Variants in SPTAN1 observed in about 807,000 individuals in gnomAD.
SPTAN1 encodes the protein spectrin alpha chain, non-erythrocytic 1.
In SPTAN1, 61 loss-of-function variants were observed where a neutral mutation model predicts 331.3. The ratio of observed to expected loss-of-function variants is 0.18; its 90% CI spans 0.15 to 0.23. The LOEUF is 0.23. Ranked by LOEUF, SPTAN1 falls within the 10% of genes least tolerant of loss-of-function variation. The probability of loss-of-function intolerance (pLI) is 1.00; values close to 1 mark genes in which losing one functional copy is unlikely to be tolerated. For synonymous variants in SPTAN1, 1,153 were observed against 1,173.9 expected (o/e 0.98, Z 0.36); for missense variants, 2,043 against 3,147.9 (o/e 0.65, Z 8.40).
chr9:128,628,834 C>A (rs1227046405), intron 51 of SPTAN1: 4 of 315,166 alleles, frequency 1.3e-5, no homozygotes, highest in African/African-American at 8.5e-5. Context: ...ACACCCTGGC[C>A]ACCTGACTCC....
intron 40 of SPTAN1, among the ~76,000 whole-genome samples, chr9:128,614,475 G>A (rs1034765642): frequency 3.3e-5 from 5 of 151,720 alleles, no homozygotes; most frequent in African/African-American, 1.2e-4. Flanking sequence ...TATAAATCCC[G>A]GCTACTTGGG....
In SPTAN1 at chr9:128,580,946, G is replaced by A. The variant is rs768940761; in HGVS notation, c.1348G>A (p.Ala450Thr). 3 of 1,613,436 alleles carry A rather than the reference G, an allele frequency of 1.9e-6. No homozygotes were observed. Among genetic ancestry groups the A allele is most frequent in the East Asian group, 2.2e-5 (1 of 44,876 alleles). ...EKLTVLSEER[A>T]ALLELWELRR... ...GCTGACCGTCCTTTCCGAGGAGAGA[G>A]CGGCGCTGCTGGAGCTGTGGGAGCT... Residue 450 changes from alanine (A) to threonine (T), a missense_variant, in exon 11 of 57, where the codon GCG (alanine) becomes ACG (threonine). By Grantham distance (58) the Ala-to-Thr change is moderately conservative. This residue lies in a region of SPTAN1 where 1,038 missense variants were observed against 1,531.5 expected (regional missense o/e 0.68). Transcript: ENST00000372739.
Position 128,605,398 on chromosome 9 carries a change from A to G in SPTAN1, c.3967A>G (p.Ser1323Gly), listed in dbSNP as rs796053307. 1 of 1,614,248 alleles carries G rather than the reference A, an allele frequency of 6.2e-7. No individual in the cohort carries two copies. Among genetic ancestry groups the G allele is most frequent in the Non-Finnish European group, 8.5e-7 (1 of 1,180,044 alleles). Residue 1323 changes from serine to glycine, a missense_variant, in exon 31 of 57, where the codon AGC becomes GGC. Ser to Gly is a moderately conservative substitution (Grantham distance 56). Coordinates refer to ENST00000372739, the MANE Select transcript of SPTAN1 (RefSeq NM_001130438.3). ...CACAGAGTTAAACCAGGCCTGGAGC[A>G]GCCTGGGGAAACGTGCAGATCAGCG... ...KCTELNQAWS[S>G]LGKRADQRKA...
intron 22 of SPTAN1, 118 bp from the exon 23 acceptor site, chr9:128,592,865 C>T (rs999683795): frequency 5.4e-6 from 5 of 931,758 alleles, no homozygotes; most frequent in Admixed American, 4.0e-5. Context: ...TGAATAACTC[C>T]ATAGTTTCCC....
In SPTAN1 at chr9:128,581,095, A is replaced by G. The variant is rs564602973; in HGVS notation, c.1461+36A>G. ...AGCAAAGCCTTGCCAGTGGTGGGAG[A>G]AGAAGGGCCTGTGTTTTGCCTCCTC... is the stretch of plus-strand genomic sequence containing the variant. On this transcript the variant is annotated intron_variant, in intron 11 of 56. Coordinates refer to ENST00000372739, the MANE Select transcript of SPTAN1 (RefSeq NM_001130438.3). 9.3e-6 allele frequency: 15 copies of G among 1,613,054 alleles called. No individual in the cohort carries two copies. In the Admixed American group the frequency reaches 1.5e-4, roughly 16 times the overall value.
intron 31 of SPTAN1, among the ~76,000 whole-genome samples, chr9:128,606,701 G>T: frequency 6.6e-6 from 1 of 151,874 alleles, no homozygotes; most frequent in East Asian, 1.9e-4. Context: ...GGTCAGGCTG[G>T]TCTCGAACTC....
chr9:128,628,913 C>G (rs934422560), intron 51 of SPTAN1: 2 of 384,030 alleles, frequency 5.2e-6, no homozygotes, highest in Admixed American at 4.5e-5. Context: ...CTCCCCTCAC[C>G]TTATGGCTCC....
At chr9:128,632,007 C>A (rs1013655054) in intron 52 of SPTAN1, 120 bp from the exon 53 acceptor site, 27 of 1,010,860 alleles carry the variant, frequency 2.7e-5, no homozygotes, top group African/African-American at 2.6e-4. Context: ...CTAGAATGTT[C>A]TTGTTTTACG....
At chr9:128,604,879 G>C (rs905332540) in intron 29 of SPTAN1, among the ~76,000 whole-genome samples, 155 bp from the exon 30 acceptor site, 6 of 152,132 alleles carry the variant, frequency 3.9e-5, no homozygotes, top group African/African-American at 1.4e-4. Flanking sequence ...GTTGCAGTGA[G>C]CTGAGATTGT....
chr9:128,619,049 T>C (rs761725793), intron 44 of SPTAN1, 46 bp downstream of exon 44: 1 of 1,612,040 alleles, frequency 6.2e-7, no homozygotes. Flanking sequence ...TCTTGGCAAC[T>C]GCCTGCTGGT....
chr9:128,552,683 C>G lies in SPTAN1; in HGVS notation c.-17C>G, dbSNP rs1334513037. On this transcript the variant is annotated 5_prime_UTR_variant, in exon 1 of 57. Coordinates refer to ENST00000372739, the MANE Select transcript of SPTAN1 (RefSeq NM_001130438.3). This position sits in a 1 kb window ranked among gnomAD's most constrained non-coding sequence, Gnocchi z 4.6. ...CGGCCCGACGCACCCACGCCCCTCA[C>G]CCCCCGAGAGCCGGTGAGAGGGGCA... 6.6e-6 allele frequency: 1 copy of G among 152,046 alleles called. No individual in the cohort carries two copies. The highest frequency in any genetic ancestry group is 2.4e-5 in the African/African-American group (1 of 41,386). 9.4% of individuals were successfully genotyped at this position (152,046 alleles called of 1,614,324 possible). A position where few individuals can be genotyped will look rare whatever the true frequency, so the allele number is the denominator to read the frequency against.
rs541960678 is a variant in SPTAN1, at chr9:128,570,330, ATTTTTT to A, written c.363+1452_363+1457del. Among the ~76,000 whole-genome samples, 670 of 71,748 alleles carry A rather than the reference ATTTTTT, an allele frequency of 9.3e-3. 1 individual carries two copies. Among genetic ancestry groups the A allele is most frequent in the African/African-American group, 0.032 (543 of 16,982 alleles). 47.1% of individuals were successfully genotyped at this position (71,748 alleles called of 152,430 possible). The stretch of plus-strand genomic sequence containing the variant: ...TATATATATATATATATATATATAT[ATTTTTT>A]TTTTTTTTTTTTTTTTTTGAGACGA... On this transcript the variant is annotated intron_variant, in intron 3 of 56. Transcript: ENST00000372739.
chr9:128,599,308 T>G, intron 26 of SPTAN1: 1 of 377,248 alleles, frequency 2.7e-6, no homozygotes, highest in South Asian at 2.2e-5. Flanking sequence ...CTAATTTTTG[T>G]ATTTTTAGTA....
chr9:128,614,071 CAGGT>C (rs1856850919), intron 40 of SPTAN1, among the ~76,000 whole-genome samples: 2 of 151,626 alleles, frequency 1.3e-5, no homozygotes, highest in Non-Finnish European at 2.9e-5. Context: ...CAGTTTTACA[CAGGT>C]AGGTAGGTAG....
chr9:128,626,261 AG>A, intron 48 of SPTAN1, 129 bp from the exon 49 acceptor site: 1 of 1,169,438 alleles, frequency 8.6e-7, no homozygotes, highest in Non-Finnish European at 1.3e-6. Flanking sequence ...ACAGGAGCAG[AG>A]GGGAGCTAAG....
chr9:128,581,939 C>A, intron 12 of SPTAN1, 47 bp downstream of exon 12: 1 of 1,369,988 alleles, frequency 7.3e-7, no homozygotes, highest in Non-Finnish European at 1.0e-6. Flanking sequence ...TTATAGTAAG[C>A]CAGAGTCTTT....
At position 128,588,118 on chromosome 9, in the gene SPTAN1, C is replaced by T. The variant is rs976277401; in HGVS notation, c.2871+420C>T. Among the ~76,000 whole-genome samples, 36 of 151,566 alleles carry T rather than the reference C, an allele frequency of 2.4e-4. 2 individuals carry two copies. The South Asian group carries it at 2.7e-3, about 11-fold the overall frequency. On this transcript the variant is annotated intron_variant, in intron 20 of 56. Transcript: ENST00000372739. ...GTTGAAGCAATTACCCTGCCTCAGC[C>T]TCCTGAGTAGCTGGGATTACTGGCG...
chr9:128,572,605 A>G (rs1381483996), intron 3 of SPTAN1, among the ~76,000 whole-genome samples: 2 of 152,124 alleles, frequency 1.3e-5, no homozygotes, highest in Non-Finnish European at 2.9e-5. Context: ...TTTTACTTTC[A>G]TGCTCACAGT....
At chr9:128,570,006 A>G (rs1850468155) in intron 3 of SPTAN1, among the ~76,000 whole-genome samples, 1 of 152,134 alleles carries the variant, frequency 6.6e-6, no homozygotes, top group African/African-American at 2.4e-5. Flanking sequence ...CATTTAACCC[A>G]TTTGGGCAAT....
Sources: allele counts gnomAD v4.1 joint callset (sites outside exome capture counted in the v4.1 genomes callset), GRCh38; gene constraint gnomAD v4.1.1; regional missense constraint gnomAD v4.1.1; non-coding constraint Gnocchi (gnomAD v3.1); transcripts MANE v1.5; gene names NCBI Gene and HGNC (gene_info 2026-07-23, HGNC 2026-07-21).